Variants in PRRC2C observed in about 807,000 individuals in gnomAD.
PRRC2C encodes protein PRRC2C.
PRRC2C carries 72 observed loss-of-function variants against 317.2 expected under a neutral mutation model. The observed-to-expected ratio is 0.23, with a 90% CI of 0.19 to 0.28. PRRC2C has a LOEUF of 0.28. Ranked by LOEUF, PRRC2C falls within the 10% of genes least tolerant of loss-of-function variation. The pLI, the probability that PRRC2C is intolerant of heterozygous loss-of-function variation, is 1.00. For synonymous variants in PRRC2C, 1,296 were observed against 1,205.9 expected, an observed-to-expected ratio of 1.07 and a Z score of -1.55; for missense variants, 3,074 against 3,459.7, an observed-to-expected ratio of 0.89 and a Z score of 2.80.
chr1:171,491,178 A>C (rs1667081289), intron 1 of PRRC2C, among the ~76,000 whole-genome samples: 1 of 152,234 alleles, frequency 6.6e-6, no homozygotes, highest in Non-Finnish European at 1.5e-5. Context: ...TTCTGAATAA[A>C]TCTTGAGTCT....
chr1:171,504,239 C>A (rs1669753291), intron 1 of PRRC2C, among the ~76,000 whole-genome samples: 1 of 152,106 alleles, frequency 6.6e-6, no homozygotes, highest in Non-Finnish European at 1.5e-5. Context: ...TTTTTCCAGA[C>A]TCTAGTTTGT....
intron 10 of PRRC2C, among the ~76,000 whole-genome samples, chr1:171,527,014 G>A (rs190846539): frequency 2.2e-3 from 339 of 151,742 alleles, no homozygotes; most frequent in African/African-American, 7.8e-3. Flanking sequence ...CGCCATGTTC[G>A]CCAGGCTGGT....
At chr1:171,513,266 C>A (rs1024613464) in intron 3 of PRRC2C, 94 bp downstream of exon 3, 11 of 1,252,596 alleles carry the variant, frequency 8.8e-6, no homozygotes, top group Non-Finnish European at 1.0e-5. Flanking sequence ...GTTATGCTGT[C>A]TGTATTACAT....
At chr1:171,587,909 T>G (rs1421660543) in intron 32 of PRRC2C, among the ~76,000 whole-genome samples, 158 bp downstream of exon 32, 1 of 152,228 alleles carries the variant, frequency 6.6e-6, no homozygotes, top group Non-Finnish European at 1.5e-5. Context: ...AGCTTTTAAA[T>G]TATTTAAAAT....
At chr1:171,489,821 A>G (rs1231594474) in intron 1 of PRRC2C, among the ~76,000 whole-genome samples, 1 of 152,218 alleles carries the variant, frequency 6.6e-6, no homozygotes, top group African/African-American at 2.4e-5. Flanking sequence ...CCAAACTTAA[A>G]TCATTCACAA....
chr1:171,552,359 T>C (rs1680417185), intron 18 of PRRC2C, among the ~76,000 whole-genome samples: 1 of 152,238 alleles, frequency 6.6e-6, no homozygotes, highest in African/African-American at 2.4e-5. Context: ...AAGGAGATTT[T>C]GGGCTGAGAC....
At chr1:171,586,204 AG>A (rs1201946282) in intron 30 of PRRC2C, among the ~76,000 whole-genome samples, 1 of 150,948 alleles carries the variant, frequency 6.6e-6, no homozygotes, top group Non-Finnish European at 1.5e-5. Context: ...CTGAGATTAC[AG>A]GCACCCACCA....
Position 171,539,983 on chromosome 1 carries a change from G to T in PRRC2C, c.2517G>T (p.Ala839=), listed in dbSNP as rs773419741. Residue 839 remains alanine, a synonymous_variant, in exon 16 of 35, where the codon GCG becomes GCT. Transcript: ENST00000647382. ...CTTATCATCATAGGTCTGAAGCTGC[G>T]TTGGACCAGGAACAGATTACTGCTG... ...EEPEDVRSEA[A]LDQEQITAAY... is the part of the protein sequence containing the mutation. 2 of 1,608,964 alleles carry T rather than the reference G, an allele frequency of 1.2e-6. No homozygotes were observed. The highest frequency in any genetic ancestry group is 8.5e-7 in the Non-Finnish European group (1 of 1,177,986).
Position 171,584,024 on chromosome 1 carries a change from A to C in PRRC2C, c.7478A>C (p.His2493Pro). The C allele has an allele frequency of 1.9e-6, 3 of 1,614,012 alleles. No individual in the cohort carries two copies. The highest frequency in any genetic ancestry group is 2.5e-6 in the Non-Finnish European group (3 of 1,179,872). ...GTGGTCCTTTCTGGTACTGCTATTC[A>C]CAACTTTCCAACTGTCCAACACCAA... ...PSVVLSGTAI[H>P]NFPTVQHQEL... Residue 2493 changes from histidine to proline, a missense_variant, in exon 29 of 35, where the codon CAC (histidine) becomes CCC (proline). By Grantham distance (77) the His-to-Pro change is moderately conservative. Coordinates refer to ENST00000647382, the MANE Select transcript of PRRC2C (RefSeq NM_001387844.1).
chr1:171,566,762 G>C lies in PRRC2C; in HGVS notation c.6477G>C (p.Glu2159Asp), dbSNP rs774961585. The change falls in exon 22 of 35, where the codon GAG (glutamate) becomes GAC (aspartate). Residue 2159 changes from glutamate (E) to aspartate (D), a missense_variant. By Grantham distance (45) the Glu-to-Asp change is conservative. Coordinates refer to ENST00000647382, the MANE Select transcript of PRRC2C (RefSeq NM_001387844.1). ...GCACAGATCCTGTCACGACAAAGGA[G>C]ACTAAAGCAGTCTCAGAAATGTCTA... is the stretch of plus-strand genomic sequence containing the variant. ...VRSTDPVTTKETKAVSEMSTE... is the reference protein window; with the variant it reads ...VRSTDPVTTKDTKAVSEMSTE... 6.2e-7 allele frequency: 1 copy of C among 1,613,776 alleles called. No homozygotes were observed. The highest frequency in any genetic ancestry group is 1.1e-5 in the South Asian group (1 of 91,026).
At chr1:171,494,668 T>C (rs1237745872) in intron 1 of PRRC2C, among the ~76,000 whole-genome samples, 1 of 152,090 alleles carries the variant, frequency 6.6e-6, no homozygotes, top group Non-Finnish European at 1.5e-5. Flanking sequence ...ACAAAGCATA[T>C]GTCCTAAGAT....
intron 14 of PRRC2C, among the ~76,000 whole-genome samples, chr1:171,536,772 G>A (rs1222615756): frequency 6.6e-6 from 1 of 152,190 alleles, no homozygotes; most frequent in Non-Finnish European, 1.5e-5. Flanking sequence ...ATTTAGGGAT[G>A]ATAAGCTGAT....
intron 17 of PRRC2C, among the ~76,000 whole-genome samples, chr1:171,547,637 T>TTTTTTTTG (rs1679371771): frequency 7.0e-6 from 1 of 142,034 alleles, no homozygotes; most frequent in Non-Finnish European, 1.5e-5. Context: ...TCCCTTCTTT[T>TTTTTTTTG]TTTTTTTTGT....
intron 1 of PRRC2C, among the ~76,000 whole-genome samples, chr1:171,492,303 G>A (rs1667295844): frequency 6.6e-6 from 1 of 152,180 alleles, no homozygotes; most frequent in Non-Finnish European, 1.5e-5. Context: ...TACCCATGCT[G>A]AATGATTTGT....
intron 4 of PRRC2C, 39 bp from the exon 5 acceptor site, chr1:171,515,695 T>G: frequency 1.3e-6 from 2 of 1,497,254 alleles, no homozygotes; most frequent in Non-Finnish European, 1.8e-6. Flanking sequence ...ATCTTCAGTA[T>G]AAAAGTTACC....
Position 171,557,839 on chromosome 1 carries a change from C to T in PRRC2C, c.5727C>T (p.Ala1909=), listed in dbSNP as rs1243401258. 4 of 1,546,854 alleles carry T rather than the reference C, an allele frequency of 2.6e-6. No homozygotes were observed. Among genetic ancestry groups the T allele is most frequent in the Non-Finnish European group, 3.5e-6 (4 of 1,144,304 alleles). The part of the protein sequence containing the change: ...APTASVPLAP[A]SASAPAPAPT... ...CTGCCTCAGTCCCACTTGCCCCTGCCTCAGCTTCAGCCCCAGCCCCAGCCC... is the reference window on the plus strand; with the variant it reads ...CTGCCTCAGTCCCACTTGCCCCTGCTTCAGCTTCAGCCCCAGCCCCAGCCC... The change falls in exon 19 of 35, where the codon GCC becomes GCT. Residue 1909 remains alanine (A), a synonymous_variant. Coordinates refer to ENST00000647382, the MANE Select transcript of PRRC2C (RefSeq NM_001387844.1).
intron 1 of PRRC2C, chr1:171,510,843 A>G (rs1009548033): frequency 2.0e-5 from 3 of 152,208 alleles, no homozygotes; most frequent in Non-Finnish European, 4.4e-5. Flanking sequence ...TTTAGTCTTT[A>G]TGTGTAAAAA....
At chr1:171,497,113 T>G (rs1464292850) in intron 1 of PRRC2C, among the ~76,000 whole-genome samples, 7 of 152,182 alleles carry the variant, frequency 4.6e-5, no homozygotes, top group Non-Finnish European at 7.3e-5. Flanking sequence ...AATAGAGATG[T>G]TGCTATGTTT....
chr1:171,504,374 T>G (rs1304000674), intron 1 of PRRC2C, among the ~76,000 whole-genome samples: 1 of 152,224 alleles, frequency 6.6e-6, no homozygotes, highest in Admixed American at 6.5e-5. Context: ...CACAAAGATT[T>G]TCTATGTTTT....
Sources: gnomAD v4.1 joint callset for allele counts (sites outside exome capture counted in the v4.1 genomes callset) on GRCh38, gnomAD v4.1.1 for gene constraint, MANE v1.5 for transcripts, NCBI Gene and HGNC (gene_info 2026-07-23, HGNC 2026-07-21) for gene names.